The following EIF6 variants were observed in gnomAD, a reference collection of about 807,000 sequenced individuals.
EIF6 encodes eukaryotic translation initiation factor 6.
EIF6 carries 10 observed loss-of-function variants against 25.5 expected under a neutral mutation model. The observed-to-expected ratio is 0.39, with a 90% CI of 0.24 to 0.66. EIF6 has a LOEUF of 0.66. Among genes scored for constraint, EIF6 ranks in the 30% least tolerant of loss-of-function variants. The pLI, the probability that EIF6 is intolerant of heterozygous loss-of-function variation, is 0.45. For synonymous variants in EIF6, 122 were observed against 122.6 expected (o/e 1.00, Z 0.03); for missense variants, 246 against 315.4 (o/e 0.78, Z 1.67).
chr20:35,284,195 G>A lies in EIF6; in HGVS notation c.174C>T (p.Ile58=). The change falls in exon 3 of 7, where the codon ATC becomes ATT. Residue 58 remains isoleucine (I), a synonymous_variant. Coordinates refer to ENST00000374450, the MANE Select transcript of EIF6 (RefSeq NM_002212.4). ...CCTTACCCACACACATGCGCCCGAT[G>A]ATGCGGCAGCCGGCGATAGACGCGT... ...VVHASIAGCR[I]IGRMCVGNRH... The A allele has an allele frequency of 6.3e-7, 1 of 1,597,596 alleles. No individual in the cohort carries two copies. The highest frequency in any genetic ancestry group is 8.5e-7 in the Non-Finnish European group (1 of 1,170,714).
chr20:35,279,801 A>G, intron 5 of EIF6, 54 bp from the exon 6 acceptor site: 1 of 1,606,142 alleles, frequency 6.2e-7, no homozygotes, highest in Non-Finnish European at 8.5e-7. Flanking sequence ...CTCCCTCCTC[A>G]ATGAAGACTC....
chr20:35,281,252 G>A (rs1024136385), intron 3 of EIF6, among the ~76,000 whole-genome samples: 6 of 151,856 alleles, frequency 4.0e-5, no homozygotes, highest in Admixed American at 2.0e-4. Flanking sequence ...CAGGCGTGGT[G>A]GCGGGCGCCT....
chr20:35,279,852 C>T (rs1195198170), intron 5 of EIF6, 90 bp downstream of exon 5: 2 of 1,585,726 alleles, frequency 1.3e-6, no homozygotes, highest in East Asian at 2.2e-5. Context: ...GCCCCAGTCC[C>T]AAACTGTGGC....
At chr20:35,284,304 G>A (rs1470404330) in intron 2 of EIF6, 43 bp from the exon 3 acceptor site, 2 of 1,613,712 alleles carry the variant, frequency 1.2e-6, no homozygotes, top group Non-Finnish European at 8.5e-7. Context: ...AGAGGGGCCG[G>A]CACCCTCCCA....
rs201952128 is a variant in EIF6 at position 35,279,188 on chromosome 20, G to C, written c.*9C>G. 129 of 1,613,986 alleles carry C rather than the reference G, an allele frequency of 8.0e-5. No individual in the cohort carries two copies. Among genetic ancestry groups the C allele is most frequent in the Non-Finnish European group, 1.1e-4 (124 of 1,179,916 alleles). On this transcript the variant is annotated 3_prime_UTR_variant, in exon 7 of 7. Transcript: ENST00000374450. ...AGCCAGGAGCCCATGGAACAACTTG[G>C]AAGGTGACTCAGGTGAGGCTGAAGA...
Position 35,279,214 on chromosome 20 carries a change from G to C in EIF6, c.729-8C>G, listed in dbSNP as rs1456997059. 1.9e-6 allele frequency: 3 copies of C among 1,613,650 alleles called. No individual in the cohort carries two copies. Among genetic ancestry groups the C allele is most frequent in the African/African-American group, 2.7e-5 (2 of 74,876 alleles). On this transcript the variant is annotated splice_region_variant and splice_polypyrimidine_tract_variant and intron_variant, in intron 6 of 6. Transcript: ENST00000374450. ...AAGGTGACTCAGGTGAGGCTGAAGA[G>C]AAAGGAAAGCGCACGGTCAGTAGCT...
At chr20:35,283,181 C>T (rs377332476) in intron 3 of EIF6, among the ~76,000 whole-genome samples, 1 of 152,074 alleles carries the variant, frequency 6.6e-6, no homozygotes, top group African/African-American at 2.4e-5. Context: ...GTAATCCCAG[C>T]TACTTGGGAG....
chr20:35,279,510 T>C (rs1238210605), intron 6 of EIF6, 56 bp downstream of exon 6: 1 of 1,594,372 alleles, frequency 6.3e-7, no homozygotes, highest in East Asian at 2.2e-5. Context: ...CCCCATACTC[T>C]CAAAATGCAA....
Position 35,280,756 on chromosome 20 carries a change from T to G in EIF6, c.267A>C (p.Pro89=). ...CCACCCGCCTAATCTGCACTGTGTC[T>G]GGGAGGCTGTTGCGAATGTGTTGCA... ...QELQHIRNSL[P]DTVQIRRVEE... is the part of the protein sequence containing the mutation. Residue 89 remains proline, a synonymous_variant, in exon 4 of 7, where the codon CCA becomes CCC. Coordinates refer to ENST00000374450, the MANE Select transcript of EIF6 (RefSeq NM_002212.4). The G allele has an allele frequency of 6.2e-7, 1 of 1,614,148 alleles. No homozygotes were observed. Among genetic ancestry groups the G allele is most frequent in the Non-Finnish European group, 8.5e-7 (1 of 1,180,024 alleles).
chr20:35,279,034 C>G lies in EIF6; in HGVS notation c.*163G>C. ...GCAGGTTTTTGCAGTAATGATAGAT[C>G]CAGGCGATAAGCACAGGTGGAAAAG... On this transcript the variant is annotated 3_prime_UTR_variant, in exon 7 of 7. Transcript: ENST00000374450. 3 of 859,878 alleles carry G rather than the reference C, an allele frequency of 3.5e-6. No homozygotes were observed. Among genetic ancestry groups the G allele is most frequent in the Non-Finnish European group, 3.8e-6 (2 of 531,914 alleles). The allele number at this position is 859,878 out of a possible 1,614,324, so 53.3% of individuals were successfully genotyped here. A position where few individuals can be genotyped will look rare whatever the true frequency, so the allele number is the denominator to read the frequency against.
intron 6 of EIF6, 22 bp from the exon 7 acceptor site, chr20:35,279,228 C>A: frequency 3.7e-6 from 6 of 1,612,636 alleles, no homozygotes; most frequent in East Asian, 2.2e-5. Context: ...GGAAAGCGCA[C>A]GGTCAGTAGC....
Position 35,280,678 on chromosome 20 carries a change from G to A in EIF6, c.345C>T (p.Ala115=). The A allele has an allele frequency of 6.2e-7, 1 of 1,613,652 alleles. No homozygotes were observed. Among genetic ancestry groups the A allele is most frequent in the Non-Finnish European group, 8.5e-7 (1 of 1,179,818 alleles). ...GNVTTCNDYV[A]LVHPDLDRET... is the part of the protein sequence containing the mutation. ...CCCTGTCCAAGTCTGGGTGGACCAA[G>A]GCCACGTAGTCATTGCAGGTGGTGA... Residue 115 remains alanine, a synonymous_variant, in exon 4 of 7, where the codon GCC becomes GCT. Coordinates refer to ENST00000374450, the MANE Select transcript of EIF6 (RefSeq NM_002212.4).
At chr20:35,284,700 C>T (rs765567884) in intron 1 of EIF6, 26 bp downstream of exon 1, 526 of 602,940 alleles carry the variant, frequency 8.7e-4, no homozygotes, top group Non-Finnish European at 1.2e-3. Flanking sequence ...AGCTGACCCT[C>T]CCAGGTTCCC....
In EIF6 at chr20:35,284,364, CG is replaced by C; in HGVS notation, c.107+16del. 6.2e-7 allele frequency: 1 copy of C among 1,613,508 alleles called. No homozygotes were observed. Among genetic ancestry groups the C allele is most frequent in the Non-Finnish European group, 8.5e-7 (1 of 1,179,924 alleles). ...CACGCCTCCCCGCCACCGTAAGCCC[CG>C]GGGCTCCCGCCGCACCTGTAGAAGT... On this transcript the variant is annotated intron_variant, in intron 2 of 6. Coordinates refer to ENST00000374450, the MANE Select transcript of EIF6 (RefSeq NM_002212.4).
At position 35,279,039 on chromosome 20, in the gene EIF6, C is replaced by A; in HGVS notation, c.*158G>T. 1 of 892,794 alleles carries A rather than the reference C, an allele frequency of 1.1e-6. No individual in the cohort carries two copies. The allele number at this position is 892,794 out of a possible 1,614,324, so 55.3% of individuals were successfully genotyped here. On this transcript the variant is annotated 3_prime_UTR_variant, in exon 7 of 7. Transcript: ENST00000374450. ...TTTTTGCAGTAATGATAGATCCAGG[C>A]GATAAGCACAGGTGGAAAAGGGTTG...
chr20:35,279,414 T>C, intron 6 of EIF6, 152 bp downstream of exon 6: 1 of 1,224,580 alleles, frequency 8.2e-7, no homozygotes, highest in Non-Finnish European at 1.2e-6. Context: ...CTGGCTCTTA[T>C]CTGCTCAGCA....
At chr20:35,283,005 G>A (rs1293845641) in intron 3 of EIF6, among the ~76,000 whole-genome samples, 1 of 152,110 alleles carries the variant, frequency 6.6e-6, no homozygotes, top group Non-Finnish European at 1.5e-5. Context: ...CTTAATGAAA[G>A]GACCGGCCGG....
In EIF6 at chr20:35,280,073, T is replaced by C. The variant is rs1006354941; in HGVS notation, c.415A>G (p.Arg139Gly). Residue 139 changes from arginine to glycine, a missense_variant, in exon 5 of 7, where the codon AGA becomes GGA. By Grantham distance (125) the Arg-to-Gly change is moderately radical. Coordinates refer to ENST00000374450, the MANE Select transcript of EIF6 (RefSeq NM_002212.4). ...AGCACCTGGTCGGCCACTGTCTGTC[T>C]GAAGACTTCCACCTTGAGCACATCT... The part of the protein sequence containing the change: ...LADVLKVEVF[R>G]QTVADQVLVG... The C allele has an allele frequency of 1.2e-6, 2 of 1,614,130 alleles. No homozygotes were observed. The highest frequency in any genetic ancestry group is 1.7e-6 in the Non-Finnish European group (2 of 1,180,050).
In EIF6 at chr20:35,284,432, A is replaced by C. The variant is rs747108563; in HGVS notation, c.56T>G (p.Leu19Arg). 6.2e-7 allele frequency: 1 copy of C among 1,613,504 alleles called. No individual in the cohort carries two copies. Among genetic ancestry groups the C allele is most frequent in the Non-Finnish European group, 8.5e-7 (1 of 1,179,614 alleles). The change falls in exon 2 of 7, where the codon CTC (leucine) becomes CGC (arginine). Residue 19 changes from leucine (L) to arginine (R), a missense_variant. Coordinates refer to ENST00000374450, the MANE Select transcript of EIF6 (RefSeq NM_002212.4). ...CGCTACCAGACAGTAGGTGTTGGTG[A>C]GCTTGGCAAAGCAGCCGATCTCACA... is the stretch of plus-strand genomic sequence containing the variant. Reference protein sequence around the residue: ...NNCEIGCFAKLTNTYCLVAIG... With the variant: ...NNCEIGCFAKRTNTYCLVAIG...
Sources: gnomAD v4.1 joint callset for allele counts (sites outside exome capture counted in the v4.1 genomes callset) on GRCh38, gnomAD v4.1.1 for gene constraint, MANE v1.5 for transcripts, NCBI Gene and HGNC (gene_info 2026-07-23, HGNC 2026-07-21) for gene names.